The following MIS18A variants were observed in gnomAD, a reference collection of about 807,000 sequenced individuals.
MIS18A encodes the protein MIS18 kinetochore protein A.
In MIS18A, 14 loss-of-function variants were observed where a neutral mutation model predicts 25.0. The observed-to-expected ratio is 0.56, with a 90% CI of 0.37 to 0.88. The LOEUF is 0.88. Ranked by LOEUF, MIS18A falls within the 40% of genes least tolerant of loss-of-function variation. MIS18A has a pLI of 0.00. For missense variants in MIS18A, 292 were observed against 290.8 expected (o/e 1.00, Z -0.03); for synonymous variants, 134 against 118.6 (o/e 1.13, Z -0.84).
the MIS18A span, among the ~76,000 whole-genome samples, chr21:32,261,745 G>A: frequency 6.6e-6 from 1 of 152,232 alleles, no homozygotes; most frequent in Non-Finnish European, 1.5e-5. Context: ...ATGACTCAAA[G>A]GAGGTGGCAC....
At chr21:32,198,554 C>T in the MIS18A span, among the ~76,000 whole-genome samples, 1 of 152,192 alleles carries the variant, frequency 6.6e-6, no homozygotes, top group Admixed American at 6.5e-5. Context: ...GCCCCGGGCC[C>T]GAAGCACTAG....
chr21:32,245,382 G>A, the MIS18A span, among the ~76,000 whole-genome samples: 21 of 152,338 alleles, frequency 1.4e-4, no homozygotes, highest in East Asian at 3.9e-3. Flanking sequence ...GCTCTTCCAA[G>A]ATGCCGAAAT....
the MIS18A span, among the ~76,000 whole-genome samples, chr21:32,248,113 C>G: frequency 6.6e-6 from 1 of 152,192 alleles, no homozygotes; most frequent in Non-Finnish European, 1.5e-5. Context: ...CCTGTGGCTC[C>G]CAGGCTACAC....
chr21:32,156,096 C>A, the MIS18A span, among the ~76,000 whole-genome samples: 3 of 152,128 alleles, frequency 2.0e-5, no homozygotes, highest in East Asian at 1.9e-4. Context: ...TTTCCTTGAC[C>A]CTTTTTTAAC....
chr21:32,165,160 C>G, the MIS18A span, among the ~76,000 whole-genome samples: 2 of 151,942 alleles, frequency 1.3e-5, no homozygotes, highest in Non-Finnish European at 2.9e-5. Flanking sequence ...ATGGAGAAAC[C>G]CTGTCTCTAC....
the MIS18A span, among the ~76,000 whole-genome samples, chr21:32,217,405 T>C: frequency 6.6e-6 from 1 of 151,948 alleles, no homozygotes; most frequent in Non-Finnish European, 1.5e-5. Flanking sequence ...AACAACATAC[T>C]TGAAAATAAG....
At chr21:32,237,888 G>A in the MIS18A span, among the ~76,000 whole-genome samples, 1 of 152,090 alleles carries the variant, frequency 6.6e-6, no homozygotes, top group African/African-American at 2.4e-5. Flanking sequence ...GACCCAATCA[G>A]AAGTACAGAG....
the MIS18A span, among the ~76,000 whole-genome samples, chr21:32,199,587 C>G: frequency 1.3e-5 from 2 of 152,106 alleles, no homozygotes; most frequent in Non-Finnish European, 2.9e-5. Context: ...GCAGGCAGAT[C>G]ACCTGAGGTC....
the MIS18A span, among the ~76,000 whole-genome samples, chr21:32,187,857 T>A: frequency 6.6e-6 from 1 of 152,108 alleles, no homozygotes; most frequent in Non-Finnish European, 1.5e-5. Flanking sequence ...CCAAAATTCG[T>A]ATGTGAAATT....
At chr21:32,233,004 G>A in the MIS18A span, among the ~76,000 whole-genome samples, 4 of 152,148 alleles carry the variant, frequency 2.6e-5, no homozygotes, top group Non-Finnish European at 1.5e-5. Context: ...CAGTGAAATT[G>A]TTTCTATTTG....
chr21:32,159,091 G>T, the MIS18A span, among the ~76,000 whole-genome samples: 3 of 151,862 alleles, frequency 2.0e-5, no homozygotes, highest in African/African-American at 7.3e-5. Flanking sequence ...AATAAGGTTT[G>T]AATTGGACAA....
At chr21:32,266,141 C>T (rs186846083), downstream of MIS18A, among the ~76,000 whole-genome samples, 3 of 149,990 alleles carry the variant, frequency 2.0e-5, no homozygotes, top group Non-Finnish European at 4.5e-5. Context: ...CAATCAGCAC[C>T]CTGTGTTTAG....
At chr21:32,196,563 A>T in the MIS18A span, among the ~76,000 whole-genome samples, 79,703 of 150,852 alleles carry the variant, frequency 0.53, 22,786 homozygotes, top group African/African-American at 0.76. Context: ...CAAGCAATTC[A>T]CCTGCCTCAG....
At chr21:32,160,189 A>G in the MIS18A span, among the ~76,000 whole-genome samples, 1 of 152,032 alleles carries the variant, frequency 6.6e-6, no homozygotes, top group African/African-American at 2.4e-5. Context: ...TCTGATGAGA[A>G]TTTATGGTTT....
At chr21:32,239,909 T>G in the MIS18A span, among the ~76,000 whole-genome samples, 1 of 152,218 alleles carries the variant, frequency 6.6e-6, no homozygotes, top group African/African-American at 2.4e-5. Context: ...ACACTGCTGT[T>G]GACTGAAAGG....
chr21:32,226,750 T>C, the MIS18A span, among the ~76,000 whole-genome samples: 1 of 152,138 alleles, frequency 6.6e-6, no homozygotes, highest in Non-Finnish European at 1.5e-5. Flanking sequence ...ATGAACCAAC[T>C]AGACCTAATA....
the MIS18A span, among the ~76,000 whole-genome samples, chr21:32,195,487 G>A: frequency 6.6e-6 from 1 of 152,178 alleles, no homozygotes; most frequent in Admixed American, 6.5e-5. Context: ...GCTGGCTGGT[G>A]CCCCATGCTA....
the MIS18A span, among the ~76,000 whole-genome samples, chr21:32,162,246 C>T: frequency 3.3e-5 from 5 of 152,272 alleles, no homozygotes; most frequent in South Asian, 8.3e-4. Context: ...CAAAGCCTCA[C>T]CGACACTGCC....
chr21:32,263,585 A>G (rs2031544470), downstream of MIS18A, among the ~76,000 whole-genome samples: 1 of 152,210 alleles, frequency 6.6e-6, no homozygotes, highest in African/African-American at 2.4e-5. Context: ...TAGGTAACAG[A>G]GTGAGACTTT....
Sources: allele counts gnomAD v4.1 joint callset (sites outside exome capture counted in the v4.1 genomes callset), GRCh38; gene constraint gnomAD v4.1.1; transcripts MANE v1.5; gene names NCBI Gene and HGNC (gene_info 2026-07-23, HGNC 2026-07-21).